Variants in DEFB127 observed in about 807,000 individuals in gnomAD.
DEFB127 encodes the protein defensin beta 127.
A neutral mutation model predicts 2.4 loss-of-function variants in DEFB127; 2 were observed. That is an observed-to-expected ratio of 0.82 (90% CI 0.34 to 2.58). DEFB127 has a LOEUF of 2.58. DEFB127 is among the 30% of genes most tolerant of loss of function. The pLI, the probability that DEFB127 is intolerant of heterozygous loss-of-function variation, is 0.11. For synonymous variants in DEFB127, 37 were observed against 39.8 expected (o/e 0.93, Z 0.26); for missense variants, 110 against 113.2 (o/e 0.97, Z 0.13).
chr20:159,108 T>G lies in DEFB127; in HGVS notation c.*84T>G. 7.1e-7 allele frequency: 1 copy of G among 1,405,780 alleles called. No individual in the cohort carries two copies. The highest frequency in any genetic ancestry group is 9.6e-7 in the Non-Finnish European group (1 of 1,045,298). The allele number at this position is 1,405,780 out of a possible 1,614,324, so 87.1% of individuals were successfully genotyped here. On this transcript the variant is annotated 3_prime_UTR_variant, in exon 2 of 2. Transcript: ENST00000382388. ...GAGATATACATCTTCTTCCTTTTGGTTTCTTGATCCTTAAAATGACCTTCG... is the reference window on the plus strand; with the variant it reads ...GAGATATACATCTTCTTCCTTTTGGGTTCTTGATCCTTAAAATGACCTTCG...
chr20:159,016 T>C lies in DEFB127; in HGVS notation c.292T>C (p.Ser98Pro), dbSNP rs1280181761. The C allele has an allele frequency of 6.3e-7, 1 of 1,597,214 alleles. No individual in the cohort carries two copies. Among genetic ancestry groups the C allele is most frequent in the Non-Finnish European group, 8.5e-7 (1 of 1,173,996 alleles). The change falls in exon 2 of 2, where the codon TCT becomes CCT. Residue 98 changes from serine to proline, a missense_variant. Physicochemically the swap from Ser to Pro is moderately conservative, Grantham distance 74. Coordinates refer to ENST00000382388, the MANE Select transcript of DEFB127 (RefSeq NM_139074.4). The stretch of plus-strand genomic sequence containing the variant: ...AAATTTCCCAAGCCTGAAGACACAG[T>C]CTACATAAATCAAATACAATTTCGT... The part of the protein sequence containing the change: ...IENFPSLKTQ[S>P]T
At position 157,606 on chromosome 20, in the gene DEFB127, A is replaced by G. The variant is rs766500184; in HGVS notation, c.49+13A>G. ...CAGAAACCCACAGGTAAACCAAACC[A>G]GAAGCTCACTCAAATCAACAGTGGG... On this transcript the variant is annotated intron_variant, in intron 1 of 1. Coordinates refer to ENST00000382388, the MANE Select transcript of DEFB127 (RefSeq NM_139074.4). 4.3e-6 allele frequency: 7 copies of G among 1,613,862 alleles called. No individual in the cohort carries two copies. The South Asian group carries it at 6.6e-5, about 15-fold the overall frequency.
In DEFB127 at chr20:157,489, G is replaced by A; in HGVS notation, c.-56G>A. On this transcript the variant is annotated 5_prime_UTR_variant, in exon 1 of 2. In the 5' UTR this introduces an upstream ATG that the reference lacks. Coordinates refer to ENST00000382388, the MANE Select transcript of DEFB127 (RefSeq NM_139074.4). ...CTAAGTCTCTGAGGAAGGTAGCATA[G>A]TGTGCAGTTCACTGGACCAAAAGCT... The A allele has an allele frequency of 6.3e-7, 1 of 1,581,822 alleles. No homozygotes were observed. The highest frequency in any genetic ancestry group is 8.7e-7 in the Non-Finnish European group (1 of 1,150,822).
At chr20:157,662 T>C in intron 1 of DEFB127, 69 bp downstream of exon 1, 1 of 1,560,122 alleles carries the variant, frequency 6.4e-7, no homozygotes, top group Non-Finnish European at 8.8e-7. Flanking sequence ...AAAGGGAACT[T>C]CATAATCCAC....
chr20:157,610 G>A lies in DEFB127; in HGVS notation c.49+17G>A, dbSNP rs776792649. On this transcript the variant is annotated intron_variant, in intron 1 of 1. Coordinates refer to ENST00000382388, the MANE Select transcript of DEFB127 (RefSeq NM_139074.4). ...AACCCACAGGTAAACCAAACCAGAA[G>A]CTCACTCAAATCAACAGTGGGATGG... 1.2e-6 allele frequency: 2 copies of A among 1,613,682 alleles called. No individual in the cohort carries two copies. The highest frequency in any genetic ancestry group is 2.2e-5 in the South Asian group (2 of 91,056).
At chr20:158,331 G>A (rs189427084) in intron 1 of DEFB127, among the ~76,000 whole-genome samples, 20 of 152,222 alleles carry the variant, frequency 1.3e-4, no homozygotes, top group African/African-American at 4.6e-4. Flanking sequence ...TTTGAACTCA[G>A]GAGAACAGTT....
In DEFB127 at chr20:158,928, G is replaced by A. The variant is rs1354436819; in HGVS notation, c.204G>A (p.Lys68=). 2 of 1,613,710 alleles carry A rather than the reference G, an allele frequency of 1.2e-6. No homozygotes were observed. The highest frequency in any genetic ancestry group is 2.2e-5 in the South Asian group (2 of 91,072). ...TGGAAGCATGTAAAAAAATTACAAA[G>A]CCACCTCGTCCAAAGCCAGCAACAC... is the stretch of plus-strand genomic sequence containing the variant. The part of the protein sequence containing the change: ...KELEACKKIT[K]PPRPKPATLA... Residue 68 remains lysine (K), a synonymous_variant, in exon 2 of 2, where the codon AAG becomes AAA. Transcript: ENST00000382388.
chr20:158,372 C>G (rs1383609613), intron 1 of DEFB127, among the ~76,000 whole-genome samples: 1 of 152,056 alleles, frequency 6.6e-6, no homozygotes, highest in Non-Finnish European at 1.5e-5. Flanking sequence ...AGTAACAATA[C>G]ATTGTTCTCT....
chr20:157,565 T>G lies in DEFB127; in HGVS notation c.21T>G (p.Ile7Met). Residue 7 changes from isoleucine to methionine, a missense_variant, in exon 1 of 2, where the codon ATT becomes ATG. By Grantham distance (10) the Ile-to-Met change is conservative (BLOSUM62 1). Coordinates refer to ENST00000382388, the MANE Select transcript of DEFB127 (RefSeq NM_139074.4). MGLFMIIAILLFQKPTV... is the reference protein window; with the variant it reads MGLFMIMAILLFQKPTV... ...TGGCCATGGGGCTCTTCATGATCAT[T>G]GCAATTCTGCTGTTCCAGAAACCCA... 1.2e-6 allele frequency: 2 copies of G among 1,613,958 alleles called. No homozygotes were observed. Among genetic ancestry groups the G allele is most frequent in the Non-Finnish European group, 1.7e-6 (2 of 1,179,898 alleles).
In DEFB127 at chr20:157,556, C is replaced by G. The variant is rs755693934; in HGVS notation, c.12C>G (p.Phe4Leu). Residue 4 changes from phenylalanine to leucine, a missense_variant, in exon 1 of 2, where the codon TTC becomes TTG. By Grantham distance (22) the Phe-to-Leu change is conservative. Coordinates refer to ENST00000382388, the MANE Select transcript of DEFB127 (RefSeq NM_139074.4). MGLFMIIAILLFQK... is the reference protein window; with the variant it reads MGLLMIIAILLFQK... The stretch of plus-strand genomic sequence containing the variant: ...TGGAAAGCCTGGCCATGGGGCTCTT[C>G]ATGATCATTGCAATTCTGCTGTTCC... 2 of 1,613,818 alleles carry G rather than the reference C, an allele frequency of 1.2e-6. No homozygotes were observed. The highest frequency in any genetic ancestry group is 1.7e-6 in the Non-Finnish European group (2 of 1,179,896).
Position 157,491 on chromosome 20 carries a change from G to A in DEFB127, c.-54G>A. The A allele has an allele frequency of 1.3e-6, 2 of 1,588,936 alleles. No homozygotes were observed. Among genetic ancestry groups the A allele is most frequent in the Non-Finnish European group, 1.7e-6 (2 of 1,157,316 alleles). ...AAGTCTCTGAGGAAGGTAGCATAGTGTGCAGTTCACTGGACCAAAAGCTTT... is the reference window on the plus strand; with the variant it reads ...AAGTCTCTGAGGAAGGTAGCATAGTATGCAGTTCACTGGACCAAAAGCTTT... On this transcript the variant is annotated 5_prime_UTR_variant, in exon 1 of 2. In the 5' UTR this introduces an upstream ATG that the reference lacks. Transcript: ENST00000382388.
intron 1 of DEFB127, among the ~76,000 whole-genome samples, chr20:158,324 G>C (rs1274986186): frequency 6.6e-6 from 1 of 152,096 alleles, no homozygotes; most frequent in Non-Finnish European, 1.5e-5. Flanking sequence ...TAGTGGGTTT[G>C]AACTCAGGAG....
chr20:157,587 C>T lies in DEFB127; in HGVS notation c.43C>T (p.Pro15Ser), dbSNP rs2054707598. 2 of 1,613,888 alleles carry T rather than the reference C, an allele frequency of 1.2e-6. No homozygotes were observed. Among genetic ancestry groups the T allele is most frequent in the Non-Finnish European group, 1.7e-6 (2 of 1,179,852 alleles). Reference protein sequence around the residue: ...MIIAILLFQKPTVTEQLKKCW... With the variant: ...MIIAILLFQKSTVTEQLKKCW... The stretch of plus-strand genomic sequence containing the variant: ...CATTGCAATTCTGCTGTTCCAGAAA[C>T]CCACAGGTAAACCAAACCAGAAGCT... The change falls in exon 1 of 2, where the codon CCC becomes TCC. Residue 15 changes from proline to serine, a missense_variant. Pro to Ser is a moderately conservative substitution (Grantham distance 74). Coordinates refer to ENST00000382388, the MANE Select transcript of DEFB127 (RefSeq NM_139074.4).
intron 1 of DEFB127, among the ~76,000 whole-genome samples, chr20:157,982 C>G (rs1010927395): frequency 4.0e-5 from 6 of 150,976 alleles, no homozygotes; most frequent in Non-Finnish European, 8.8e-5. Flanking sequence ...GAGGAAGAAG[C>G]AAATTTTGGA....
rs759743600 is a variant in DEFB127 at position 158,793 on chromosome 20, G to A, written c.69G>A (p.Lys23=). ...GTATAGTAACCGAACAACTTAAGAAGTGCTGGAATAACTATGTACAAGGAC... is the reference window on the plus strand; with the variant it reads ...GTATAGTAACCGAACAACTTAAGAAATGCTGGAATAACTATGTACAAGGAC... ...QKPTVTEQLK[K]CWNNYVQGHC... is the part of the protein sequence containing the mutation. Residue 23 remains lysine (K), a synonymous_variant, in exon 2 of 2, where the codon AAG becomes AAA. Transcript: ENST00000382388. The A allele has an allele frequency of 5.0e-6, 8 of 1,612,698 alleles. No individual in the cohort carries two copies. The East Asian group carries it at 1.3e-4, about 27-fold the overall frequency.
chr20:157,814 G>T (rs1393331367), intron 1 of DEFB127, among the ~76,000 whole-genome samples: 1 of 152,122 alleles, frequency 6.6e-6, no homozygotes, highest in African/African-American at 2.4e-5. Context: ...AATTTCTTCT[G>T]GGAAAGATGT....
chr20:157,931 ATGTGTGTGTGTGTG>A (rs1190932870), intron 1 of DEFB127, among the ~76,000 whole-genome samples: 1 of 21,116 alleles, frequency 4.7e-5, no homozygotes, highest in African/African-American at 6.2e-5. Context: ...AAATATATAT[ATGTGTGTGTGTGTG>A]TGTGTGTGTG....
chr20:158,720 C>T lies in DEFB127; in HGVS notation c.50-54C>T, dbSNP rs144050335. ...CCTCCTCTGTCTTCCCCAAAACCAA[C>T]GTGCCTTCAGTCTCAAACACTGATA... On this transcript the variant is annotated intron_variant, in intron 1 of 1. Transcript: ENST00000382388. The T allele has an allele frequency of 8.3e-4, 1,290 of 1,546,536 alleles. 14 individuals carry two copies. Among genetic ancestry groups the T allele is most frequent in the South Asian group, 7.8e-3 (616 of 78,976 alleles).
intron 1 of DEFB127, among the ~76,000 whole-genome samples, chr20:158,233 C>A (rs2054710880): frequency 6.6e-6 from 1 of 152,098 alleles, no homozygotes; most frequent in African/African-American, 2.4e-5. Context: ...ATAGTAATGG[C>A]CTATTCCTGA....
Sources: gnomAD v4.1 joint callset for allele counts (sites outside exome capture counted in the v4.1 genomes callset) on GRCh38, gnomAD v4.1.1 for gene constraint, MANE v1.5 for transcripts, NCBI Gene and HGNC (gene_info 2026-07-23, HGNC 2026-07-21) for gene names.